Variants in STC1 observed in about 807,000 individuals in gnomAD.
STC1 encodes the protein stanniocalcin 1.
In STC1, 7 loss-of-function variants were observed where a neutral mutation model predicts 22.6. The ratio of observed to expected loss-of-function variants is 0.31; its 90% CI spans 0.18 to 0.58. The LOEUF (loss-of-function observed/expected upper bound fraction) is 0.58. Among genes scored for constraint, STC1 ranks in the 20% least tolerant of loss-of-function variants. STC1 has a pLI of 0.89. For missense variants in STC1, 224 were observed against 311.0 expected (o/e 0.72, Z 2.10); for synonymous variants, 113 against 120.7 (o/e 0.94, Z 0.42).
chr8:23,847,066 A>G (rs1179217276), intron 3 of STC1, among the ~76,000 whole-genome samples: 1 of 152,192 alleles, frequency 6.6e-6, no homozygotes, highest in Non-Finnish European at 1.5e-5. Flanking sequence ...TTAGAAGTTA[A>G]CCCTTCCATT....
At chr8:23,851,651 C>T in intron 2 of STC1, 120 bp from the exon 3 acceptor site, 1 of 778,884 alleles carries the variant, frequency 1.3e-6, no homozygotes, top group Non-Finnish European at 2.1e-6. Flanking sequence ...ATCTGCATAT[C>T]CTTGCAATGA....
rs1802540111 is a variant in STC1, at chr8:23,843,630, C to T, written c.*1140G>A. On this transcript the variant is annotated 3_prime_UTR_variant, in exon 4 of 4. Coordinates refer to ENST00000290271, the MANE Select transcript of STC1 (RefSeq NM_003155.3). ...TTATCACACTGTAAGTGGTCCAAGC[C>T]CATAGGGATGCTCTTTTTGGTTCCT... The T allele has an allele frequency of 6.6e-6, 1 of 152,630 alleles. No individual in the cohort carries two copies. Among genetic ancestry groups the T allele is most frequent in the African/African-American group, 2.4e-5 (1 of 41,438 alleles). 9.5% of individuals were successfully genotyped at this position (152,630 alleles called of 1,614,324 possible).
chr8:23,850,006 G>A (rs982836973), intron 3 of STC1, among the ~76,000 whole-genome samples: 6 of 152,256 alleles, frequency 3.9e-5, no homozygotes, highest in Non-Finnish European at 1.5e-5. Context: ...CTGTTCTGAG[G>A]AAACCATTTA....
chr8:23,853,564 G>C (rs910774074), intron 1 of STC1, among the ~76,000 whole-genome samples: 1 of 152,194 alleles, frequency 6.6e-6, no homozygotes, highest in Non-Finnish European at 1.5e-5. Context: ...CTGTGATCCG[G>C]TCTTTGCTGA....
Position 23,842,336 on chromosome 8 carries a change from A to T in STC1, c.*2434T>A, listed in dbSNP as rs1463551368. 1 of 152,216 alleles carries T rather than the reference A, an allele frequency of 6.6e-6. No individual in the cohort carries two copies. The highest frequency in any genetic ancestry group is 1.5e-5 in the Non-Finnish European group (1 of 68,006). The allele number at this position is 152,216 out of a possible 1,614,324, so 9.4% of individuals were successfully genotyped here. On this transcript the variant is annotated 3_prime_UTR_variant, in exon 4 of 4. Transcript: ENST00000290271. ...GGAAGTTTAAGGGGGAATTGGAGGG[A>T]GTAGGGTGGGGGAAAGAGAAGCAAA...
intron 2 of STC1, among the ~76,000 whole-genome samples, 148 bp downstream of exon 2, chr8:23,852,076 GTGTGTGCATGCACACACT>G (rs983754279): frequency 1.3e-5 from 2 of 152,188 alleles, no homozygotes; most frequent in Non-Finnish European, 2.9e-5. Context: ...GTGTGTGTGT[GTGTGTGCATGCACACACT>G]TGTGCATACA....
chr8:23,848,174 C>T (rs1470814858), intron 3 of STC1, among the ~76,000 whole-genome samples: 1 of 152,038 alleles, frequency 6.6e-6, no homozygotes, highest in Non-Finnish European at 1.5e-5. Flanking sequence ...CTCAATTTTA[C>T]AAAAAATAGA....
In STC1 at chr8:23,854,751, G is replaced by A. The variant is rs1045805909; in HGVS notation, c.-228C>T. Reference sequence around the variant, plus strand: ...CGCTGCTGCTGCTGCTGCCACCGCCGCTGCTGCTGCTGCTGCTGCAGTCGC... The same window carrying A: ...CGCTGCTGCTGCTGCTGCCACCGCCACTGCTGCTGCTGCTGCTGCAGTCGC... On this transcript the variant is annotated 5_prime_UTR_variant, in exon 1 of 4. Transcript: ENST00000290271. The A allele has an allele frequency of 3.7e-5, 20 of 540,986 alleles. No homozygotes were observed. Among genetic ancestry groups the A allele is most frequent in the Admixed American group, 1.5e-4 (6 of 40,894 alleles). The allele number at this position is 540,986 out of a possible 1,614,324, so 33.5% of individuals were successfully genotyped here.
intron 3 of STC1, among the ~76,000 whole-genome samples, chr8:23,848,554 A>AAAAG (rs1554520348): frequency 1.4e-5 from 2 of 139,584 alleles, no homozygotes; most frequent in African/African-American, 5.6e-5. Flanking sequence ...AAAAAAAAAA[A>AAAAG]AAGAAGAAGA....
At position 23,841,972 on chromosome 8, in the gene STC1, C is replaced by T. The variant is rs1239444985; in HGVS notation, c.*2798G>A. On this transcript the variant is annotated 3_prime_UTR_variant, in exon 4 of 4. Coordinates refer to ENST00000290271, the MANE Select transcript of STC1 (RefSeq NM_003155.3). ...TATTATTTTTATCTTAGAAGGAATTCACCAAAGGCTTCATATTATGCTATG... is the reference window on the plus strand; with the variant it reads ...TATTATTTTTATCTTAGAAGGAATTTACCAAAGGCTTCATATTATGCTATG... The T allele has an allele frequency of 6.6e-6, 1 of 152,466 alleles. No homozygotes were observed. Among genetic ancestry groups the T allele is most frequent in the South Asian group, 2.1e-4 (1 of 4,820 alleles). 9.4% of individuals were successfully genotyped at this position (152,466 alleles called of 1,614,324 possible).
chr8:23,842,291 C>G lies in STC1; in HGVS notation c.*2479G>C, dbSNP rs79411032. ...GGTCAGCCCCCGAATCACTCTGCAG[C>G]AAACACAAGACGAAGCTTTGGAAGT... On this transcript the variant is annotated 3_prime_UTR_variant, in exon 4 of 4. Coordinates refer to ENST00000290271, the MANE Select transcript of STC1 (RefSeq NM_003155.3). 6.6e-6 allele frequency: 1 copy of G among 152,064 alleles called. No homozygotes were observed. The highest frequency in any genetic ancestry group is 1.5e-5 in the Non-Finnish European group (1 of 67,984). 9.4% of individuals were successfully genotyped at this position (152,064 alleles called of 1,614,324 possible).
At chr8:23,845,232 C>T (rs1802558539) in intron 3 of STC1, among the ~76,000 whole-genome samples, 192 bp from the exon 4 acceptor site, 1 of 152,048 alleles carries the variant, frequency 6.6e-6, no homozygotes, top group South Asian at 2.1e-4. Context: ...TGCATCTGCT[C>T]CTAGGGTTTA....
At position 23,852,346 on chromosome 8, in the gene STC1, C is replaced by T; in HGVS notation, c.157G>A (p.Gly53Ser). The change falls in exon 2 of 4, where the codon GGC (glycine) becomes AGC (serine). Residue 53 changes from glycine (G) to serine (S), a missense_variant. Gly to Ser is a moderately conservative substitution (Grantham distance 56). Transcript: ENST00000290271. ...VRCLNSALQV[G>S]CGAFACLENS... The stretch of plus-strand genomic sequence containing the variant: ...TCCAGGCATGCAAAAGCCCCGCAGC[C>T]GACCTGTAGAGCACTGTTGAGGCAA... 2 of 1,612,662 alleles carry T rather than the reference C, an allele frequency of 1.2e-6. No individual in the cohort carries two copies. The highest frequency in any genetic ancestry group is 1.7e-6 in the Non-Finnish European group (2 of 1,179,294).
At chr8:23,847,155 G>T (rs910532677) in intron 3 of STC1, among the ~76,000 whole-genome samples, 3 of 152,320 alleles carry the variant, frequency 2.0e-5, no homozygotes, top group African/African-American at 7.2e-5. Context: ...GGGATAAAAA[G>T]AAATGCTAGT....
Position 23,854,717 on chromosome 8 carries a change from T to TGCCGCCGCC in STC1, c.-195_-194insGGCGGCGGC, listed in dbSNP as rs1563344392. The TGCCGCCGCC allele has an allele frequency of 2.2e-5, 15 of 676,212 alleles. No individual in the cohort carries two copies. The highest frequency in any genetic ancestry group is 2.2e-4 in the African/African-American group (12 of 55,492). 41.9% of individuals were successfully genotyped at this position (676,212 alleles called of 1,614,324 possible). A position where few individuals can be genotyped will look rare whatever the true frequency, so the allele number is the denominator to read the frequency against. On this transcript the variant is annotated 5_prime_UTR_variant, in exon 1 of 4. Transcript: ENST00000290271. ...CCACCGGTGCCTCCGCTGCTGCTGCTGCTGCCGCCGCTGCTGCTGCTGCTG... is the reference window on the plus strand; with the variant it reads ...CCACCGGTGCCTCCGCTGCTGCTGCTGCCGCCGCCGCTGCCGCCGCTGCTGCTGCTGCTG...
intron 3 of STC1, among the ~76,000 whole-genome samples, chr8:23,846,055 G>T (rs1006137353): frequency 3.3e-5 from 5 of 152,164 alleles, no homozygotes; most frequent in African/African-American, 1.2e-4. Flanking sequence ...TTATTTTGCA[G>T]CCACTAAGGA....
chr8:23,848,420 T>G (rs1378091883), intron 3 of STC1, among the ~76,000 whole-genome samples: 1 of 150,690 alleles, frequency 6.6e-6, no homozygotes, highest in African/African-American at 2.4e-5. Context: ...TAATCCCAGC[T>G]ACTCTGGAGG....
intron 3 of STC1, among the ~76,000 whole-genome samples, chr8:23,849,474 CT>C (rs1357784898): frequency 3.3e-5 from 5 of 152,048 alleles, no homozygotes; most frequent in Admixed American, 3.3e-4. Context: ...GATAAGAAGA[CT>C]TTCTTTGTGA....
chr8:23,847,406 C>A (rs1802585861), intron 3 of STC1, among the ~76,000 whole-genome samples: 1 of 152,216 alleles, frequency 6.6e-6, no homozygotes, highest in African/African-American at 2.4e-5. Context: ...CCCTTGCCAG[C>A]CTGAGGGCTC....
Sources: allele counts gnomAD v4.1 joint callset (sites outside exome capture counted in the v4.1 genomes callset), GRCh38; gene constraint gnomAD v4.1.1; transcripts MANE v1.5; gene names NCBI Gene and HGNC (gene_info 2026-07-23, HGNC 2026-07-21).